ZNF331: variants seen among roughly 807,000 people sequenced by gnomAD.
ZNF331 encodes zinc finger protein 331.
Under a neutral mutation model 7.0 loss-of-function variants are expected in ZNF331, and 2 were observed. That is an observed-to-expected ratio of 0.29 (90% CI 0.12 to 0.90). ZNF331 has a LOEUF of 0.90. Ranked by LOEUF, ZNF331 falls within the 40% of genes least tolerant of loss-of-function variation. ZNF331 has a pLI of 0.58. For synonymous variants in ZNF331, 196 were observed against 205.4 expected, an observed-to-expected ratio of 0.95 and a Z score of 0.39; for missense variants, 432 against 587.7, an observed-to-expected ratio of 0.74 and a Z score of 2.74.
intron 2 of ZNF331, 120 bp from the exon 3 acceptor site, chr19:53,555,725 T>A (rs2089350086): frequency 6.6e-6 from 1 of 152,080 alleles, no homozygotes; most frequent in Non-Finnish European, 1.5e-5. Context: ...CGCTTCATCA[T>A]CTCAGTTACC....
At chr19:53,547,603 G>A (rs368623310) in intron 2 of ZNF331, among the ~76,000 whole-genome samples, 2 of 152,306 alleles carry the variant, frequency 1.3e-5, no homozygotes, top group East Asian at 1.9e-4. Flanking sequence ...CATCTCCACG[G>A]TGTTTTCCAT....
At chr19:53,520,310 G>A (rs1459899364), upstream of ZNF331, among the ~76,000 whole-genome samples, 1 of 152,160 alleles carries the variant, frequency 6.6e-6, no homozygotes, top group Non-Finnish European at 1.5e-5. Flanking sequence ...GCCTCCCAAA[G>A]TGCTGAGATT....
At chr19:53,570,285 G>A (rs116608455) in intron 4 of ZNF331, among the ~76,000 whole-genome samples, 1,680 of 151,554 alleles carry the variant, frequency 0.011, 35 homozygotes, top group African/African-American at 0.038. Context: ...AATCAGGAAC[G>A]GGGGAAAGGC....
At chr19:53,520,862 C>T (rs1284517), upstream of ZNF331, 18,701 of 151,902 alleles carry the variant, frequency 0.12, 1,177 homozygotes, top group East Asian at 0.18. Flanking sequence ...CAGCCGCTTC[C>T]AACTCTGTGG....
chr19:53,570,402 G>A (rs1006156876), intron 4 of ZNF331, among the ~76,000 whole-genome samples: 6 of 152,306 alleles, frequency 3.9e-5, no homozygotes, highest in South Asian at 4.1e-4. Flanking sequence ...CAACCTAAGT[G>A]AATAACTGTA....
chr19:53,529,750 C>G (rs1600218364), intron 2 of ZNF331, among the ~76,000 whole-genome samples: 1 of 152,036 alleles, frequency 6.6e-6, no homozygotes, highest in African/African-American at 2.4e-5. Flanking sequence ...GATATTAGCA[C>G]GAAGAATGAG....
At chr19:53,509,780 C>T in the ZNF331 span, among the ~76,000 whole-genome samples, 1 of 152,166 alleles carries the variant, frequency 6.6e-6, no homozygotes, top group African/African-American at 2.4e-5. Context: ...CTGTTTTCCC[C>T]TAGCTACAAA....
intron 3 of ZNF331, among the ~76,000 whole-genome samples, chr19:53,567,585 G>A (rs991442488): frequency 2.6e-5 from 4 of 152,080 alleles, no homozygotes; most frequent in Admixed American, 6.6e-5. Context: ...GGTGACTCAT[G>A]CCTATAATCC....
At chr19:53,543,945 C>G (rs2088363399) in intron 2 of ZNF331, among the ~76,000 whole-genome samples, 1 of 152,066 alleles carries the variant, frequency 6.6e-6, no homozygotes, top group Non-Finnish European at 1.5e-5. Flanking sequence ...AAAATTTTCT[C>G]AAGCCAGACG....
intron 2 of ZNF331, among the ~76,000 whole-genome samples, chr19:53,552,753 A>G (rs993803686): frequency 6.6e-6 from 1 of 152,104 alleles, no homozygotes; most frequent in Non-Finnish European, 1.5e-5. Flanking sequence ...AAAACAGCAG[A>G]TGAGTTTCTT....
At chr19:53,505,724 C>T in the ZNF331 span, among the ~76,000 whole-genome samples, 365 of 152,278 alleles carry the variant, frequency 2.4e-3, 3 homozygotes, top group African/African-American at 8.3e-3. Context: ...TGGTGGCTCA[C>T]GCCTGTAATC....
In ZNF331 at chr19:53,560,076, C is replaced by A. The variant is rs1464643891; in HGVS notation, c.-74+4168C>A. Among the ~76,000 whole-genome samples the A allele has an allele frequency of 6.7e-6, 1 of 149,490 alleles. No homozygotes were observed. Among genetic ancestry groups the A allele is most frequent in the Non-Finnish European group, 1.5e-5 (1 of 67,340 alleles). ...TACACACCTACATATACATACCATA[C>A]ACACACATATATACACACATATACC... On this transcript the variant is annotated intron_variant, in intron 3 of 5. Transcript: ENST00000449416. This position sits in a 1 kb window ranked among gnomAD's most constrained non-coding sequence, Gnocchi z 4.3.
rs1374594711 is a variant in ZNF331 at position 53,560,865 on chromosome 19, C to A, written c.-74+4957C>A. 6.6e-6 allele frequency among the ~76,000 whole-genome samples: 1 copy of A among 152,052 alleles called. No individual in the cohort carries two copies. Among genetic ancestry groups the A allele is most frequent in the African/African-American group, 2.4e-5 (1 of 41,380 alleles). ...GAATCTTCCGTATGTTAGAGGCAGCCGATTAGCCATTTTAAGTCCATCTGC... is the reference window on the plus strand; with the variant it reads ...GAATCTTCCGTATGTTAGAGGCAGCAGATTAGCCATTTTAAGTCCATCTGC... On this transcript the variant is annotated intron_variant, in intron 3 of 5. Transcript: ENST00000449416. The surrounding 1 kb of genome is among the most constrained non-coding windows in gnomAD (Gnocchi z 4.3).
At chr19:53,511,674 C>G in the ZNF331 span, among the ~76,000 whole-genome samples, 1 of 152,120 alleles carries the variant, frequency 6.6e-6, no homozygotes, top group Non-Finnish European at 1.5e-5. Flanking sequence ...CTGAGTCCCT[C>G]ATGGACTGCA....
intron 2 of ZNF331, among the ~76,000 whole-genome samples, chr19:53,544,164 T>A (rs1205197068): frequency 6.7e-6 from 1 of 149,054 alleles, no homozygotes. Flanking sequence ...GAGGCGGAGG[T>A]TGCAGTGAGT....
upstream of ZNF331, among the ~76,000 whole-genome samples, chr19:53,520,665 T>A (rs895361617): frequency 2.6e-5 from 4 of 152,230 alleles, no homozygotes; most frequent in Non-Finnish European, 5.9e-5. Flanking sequence ...GATTCCCGCG[T>A]AGTGAGCATT....
At chr19:53,528,888 G>A (rs772136146) in intron 2 of ZNF331, among the ~76,000 whole-genome samples, 3 of 151,896 alleles carry the variant, frequency 2.0e-5, no homozygotes, top group Non-Finnish European at 2.9e-5. Context: ...AGGTTTGAGC[G>A]ATTCTCCTGC....
chr19:53,507,190 G>A, the ZNF331 span, among the ~76,000 whole-genome samples: 2 of 152,126 alleles, frequency 1.3e-5, no homozygotes, highest in South Asian at 4.1e-4. Context: ...CTGGAAAAGG[G>A]AGGCAGCCTC....
rs1600215944 is a variant in ZNF331 at position 53,529,197 on chromosome 19, C to T, written c.-205+6513C>T. On this transcript the variant is annotated intron_variant, in intron 2 of 6. Coordinates refer to the ZNF331 transcript ENST00000253144. ...CGGGTGGATCACGAGGTCAGGAGAT[C>T]GAGACCATCCTGGCTAACACGGTGA... 2.6e-5 allele frequency among the ~76,000 whole-genome samples: 4 copies of T among 152,020 alleles called. No individual in the cohort carries two copies. The South Asian group carries it at 8.3e-4, about 32-fold the overall frequency.
Sources: allele counts gnomAD v4.1 joint callset (sites outside exome capture counted in the v4.1 genomes callset), GRCh38; gene constraint gnomAD v4.1.1; non-coding constraint Gnocchi (gnomAD v3.1); transcripts MANE v1.5; gene names NCBI Gene and HGNC (gene_info 2026-07-23, HGNC 2026-07-21).